Variants in PRICKLE1 observed in about 807,000 individuals in gnomAD.
The protein encoded by PRICKLE1 is prickle planar cell polarity protein 1, also known as prickle-like protein 1.
PRICKLE1 carries 14 observed loss-of-function variants against 70.2 expected under a neutral mutation model. That is an observed-to-expected ratio of 0.20 (90% CI 0.13 to 0.31). The LOEUF (loss-of-function observed/expected upper bound fraction) is 0.31. PRICKLE1 is among the 10% of genes least tolerant of loss of function. The probability of loss-of-function intolerance (pLI) is 1.00; values close to 1 mark genes in which losing one functional copy is unlikely to be tolerated. For synonymous variants in PRICKLE1, 357 were observed against 379.9 expected (o/e 0.94, Z 0.70); for missense variants, 821 against 1,026.2 (o/e 0.80, Z 2.73).
At chr12:42,496,867 C>T (rs1939210683) in intron 1 of PRICKLE1, among the ~76,000 whole-genome samples, 1 of 152,078 alleles carries the variant, frequency 6.6e-6, no homozygotes, top group African/African-American at 2.4e-5. Context: ...CTGGTTTGAT[C>T]TTCTATTCAG....
Position 42,468,778 on chromosome 12 carries a change from C to T in PRICKLE1, c.436G>A (p.Gly146Ser), listed in dbSNP as rs753753811. The T allele has an allele frequency of 1.2e-6, 2 of 1,614,134 alleles. No homozygotes were observed. Among genetic ancestry groups the T allele is most frequent in the Non-Finnish European group, 1.7e-6 (2 of 1,180,030 alleles). The change falls in exon 5 of 8, where the codon GGC (glycine) becomes AGC (serine). Residue 146 changes from glycine to serine, a missense_variant. Gly to Ser is a moderately conservative substitution (Grantham distance 56). Transcript: ENST00000345127. ...GATGGGTGCCAGCACACACCAGGGC[C>T]CGCACGGGAGGCGAACACTGCAACT... ...GEVAVFASRA[G>S]PGVCWHPSCF...
At chr12:42,579,878 A>ATT (rs960124566) in intron 1 of PRICKLE1, among the ~76,000 whole-genome samples, 99 of 145,484 alleles carry the variant, frequency 6.8e-4, no homozygotes, top group Non-Finnish European at 1.2e-3. Context: ...AGTTTATATT[A>ATT]TTTTTTTTTT....
intron 4 of PRICKLE1, 148 bp downstream of exon 4, chr12:42,469,302 G>A (rs961095145): frequency 2.3e-6 from 2 of 856,638 alleles, no homozygotes. Context: ...AACATGATTT[G>A]CTATTTAATA....
At chr12:42,513,384 G>A (rs1179974577) in intron 1 of PRICKLE1, among the ~76,000 whole-genome samples, 1 of 151,988 alleles carries the variant, frequency 6.6e-6, no homozygotes, top group Non-Finnish European at 1.5e-5. Flanking sequence ...GTGCATAGTA[G>A]GTACTCAATT....
intron 1 of PRICKLE1, among the ~76,000 whole-genome samples, chr12:42,567,086 T>C (rs1290822117): frequency 6.6e-6 from 1 of 152,192 alleles, no homozygotes; most frequent in East Asian, 1.9e-4. Context: ...TCCAGCAGAT[T>C]GAGCCATTGT....
chr12:42,461,427 A>G (rs1298711013), intron 7 of PRICKLE1, among the ~76,000 whole-genome samples: 2 of 152,206 alleles, frequency 1.3e-5, no homozygotes, highest in African/African-American at 4.8e-5. Context: ...GCTAGTGGTC[A>G]GCAAACTACA....
At chr12:42,528,199 G>A (rs1239211731) in intron 1 of PRICKLE1, among the ~76,000 whole-genome samples, 2 of 151,826 alleles carry the variant, frequency 1.3e-5, no homozygotes, top group East Asian at 3.9e-4. Context: ...TCCCACCTCA[G>A]CCTCCAAAGT....
At chr12:42,543,517 C>G (rs1333830118) in intron 1 of PRICKLE1, among the ~76,000 whole-genome samples, 1 of 151,890 alleles carries the variant, frequency 6.6e-6, no homozygotes, top group Admixed American at 6.6e-5. Flanking sequence ...ACTTTTGACT[C>G]CTCAAAACTT....
intron 1 of PRICKLE1, among the ~76,000 whole-genome samples, chr12:42,518,340 G>A (rs965568942): frequency 6.6e-6 from 1 of 152,282 alleles, no homozygotes; most frequent in African/African-American, 2.4e-5. Flanking sequence ...CACAACAACC[G>A]GCTGAGGATG....
rs553426691 is a variant in PRICKLE1, at chr12:42,518,171, G to A, written c.-48-45607C>T. On this transcript the variant is annotated intron_variant, in intron 1 of 7. Coordinates refer to ENST00000345127, the MANE Select transcript of PRICKLE1 (RefSeq NM_153026.3). ...TGATCCTACTGCCTCAGCCTCCTGC[G>A]TAGCTGGAAACACAGGCATGCACCA... 4.8e-4 allele frequency among the ~76,000 whole-genome samples: 73 copies of A among 151,384 alleles called. 1 individual carries two copies. The highest frequency in any genetic ancestry group is 3.8e-3 in the South Asian group (18 of 4,778).
chr12:42,504,034 T>C, intron 1 of PRICKLE1, among the ~76,000 whole-genome samples: 1 of 152,092 alleles, frequency 6.6e-6, no homozygotes, highest in African/African-American at 2.4e-5. Flanking sequence ...AAAAATCATA[T>C]GTGGATTTTA....
In PRICKLE1 at chr12:42,478,540, A is replaced by G. The variant is rs34156945; in HGVS notation, c.-48-5976T>C. On this transcript the variant is annotated intron_variant, in intron 1 of 7. Coordinates refer to ENST00000345127, the MANE Select transcript of PRICKLE1 (RefSeq NM_153026.3). ...TGGCATTGGGAGGGGGTGGTCAAGC[A>G]CAAGGAACTGCTGTTAGAACTTAAT... Among the ~76,000 whole-genome samples, 34 of 152,342 alleles carry G rather than the reference A, an allele frequency of 2.2e-4. No homozygotes were observed. The East Asian group carries it at 6.2e-3, about 28-fold the overall frequency.
intron 1 of PRICKLE1, among the ~76,000 whole-genome samples, chr12:42,558,181 T>G (rs1248525282): frequency 6.6e-6 from 1 of 152,238 alleles, no homozygotes; most frequent in South Asian, 2.1e-4. Context: ...TTTACATAAA[T>G]AAAATGTAAT....
At chr12:42,532,725 G>A (rs1027690945) in intron 1 of PRICKLE1, among the ~76,000 whole-genome samples, 4 of 151,978 alleles carry the variant, frequency 2.6e-5, no homozygotes, top group Non-Finnish European at 5.9e-5. Flanking sequence ...GTGAAACCCC[G>A]TCTCTACTAA....
rs1029735769 is a variant in PRICKLE1, at chr12:42,459,072, T to A, written c.*737A>T. ...GACTAAAATATAAGCAATCAGTTCA[T>A]CCATAAATTCTGGTTCCCTGGCAAA... On this transcript the variant is annotated 3_prime_UTR_variant, in exon 8 of 8. Coordinates refer to ENST00000345127, the MANE Select transcript of PRICKLE1 (RefSeq NM_153026.3). 1.6e-5 allele frequency: 7 copies of A among 450,872 alleles called. No homozygotes were observed. The highest frequency in any genetic ancestry group is 1.4e-4 in the Admixed American group (4 of 29,052). The allele number at this position is 450,872 out of a possible 1,614,324, so 27.9% of individuals were successfully genotyped here.
intron 1 of PRICKLE1, among the ~76,000 whole-genome samples, chr12:42,502,251 A>T (rs1341581210): frequency 6.7e-6 from 1 of 148,912 alleles, no homozygotes. Context: ...ATATATACAC[A>T]CCTATATATA....
At chr12:42,497,474 G>T (rs1055505679) in intron 1 of PRICKLE1, among the ~76,000 whole-genome samples, 1 of 151,568 alleles carries the variant, frequency 6.6e-6, no homozygotes, top group Non-Finnish European at 1.5e-5. Context: ...GCGTGAACCC[G>T]GGAGGCAGAG....
chr12:42,513,516 A>C (rs1939553403), intron 1 of PRICKLE1, among the ~76,000 whole-genome samples: 1 of 152,116 alleles, frequency 6.6e-6, no homozygotes, highest in Non-Finnish European at 1.5e-5. Context: ...AATGCCCGTG[A>C]ATAGCTGCTG....
chr12:42,559,623 TA>T (rs71084670), intron 1 of PRICKLE1, among the ~76,000 whole-genome samples: 7,448 of 76,208 alleles, frequency 0.098, 601 homozygotes, highest in African/African-American at 0.29. Flanking sequence ...TATATATATA[TA>T]TTTTTTTTTT....
Sources: gnomAD v4.1 joint callset for allele counts (sites outside exome capture counted in the v4.1 genomes callset) on GRCh38, gnomAD v4.1.1 for gene constraint, MANE v1.5 for transcripts, NCBI Gene and HGNC (gene_info 2026-07-23, HGNC 2026-07-21) for gene names.